Variants in CDH23 observed in about 807,000 individuals in gnomAD.
CDH23 encodes the protein cadherin-23.
CDH23 carries 189 observed loss-of-function variants against 317.1 expected under a neutral mutation model. That is an observed-to-expected ratio of 0.60 (90% CI 0.53 to 0.67). CDH23 has a LOEUF of 0.67. Ranked by LOEUF, CDH23 falls within the 30% of genes least tolerant of loss-of-function variation. The pLI, the probability that CDH23 is intolerant of heterozygous loss-of-function variation, is 0.00. For synonymous variants in CDH23, 1,839 were observed against 1,876.8 expected, an observed-to-expected ratio of 0.98 and a Z score of 0.52; for missense variants, 4,401 against 4,592.4, an observed-to-expected ratio of 0.96 and a Z score of 1.20.
chr10:71,731,933 C>A, intron 31 of CDH23, 54 bp from the exon 32 acceptor site: 1 of 1,556,666 alleles, frequency 6.4e-7, no homozygotes, highest in Non-Finnish European at 8.7e-7. Context: ...GAAGCCACAG[C>A]GCAGCCCCAC....
intron 6 of CDH23, among the ~76,000 whole-genome samples, chr10:71,542,120 C>T (rs547214452): frequency 7.9e-5 from 12 of 152,262 alleles, no homozygotes; most frequent in South Asian, 2.1e-4. Context: ...AGGAGGAAGG[C>T]GCCTTCTATC....
chr10:71,708,497 A>G (rs111629457), intron 26 of CDH23, among the ~76,000 whole-genome samples: 2,446 of 152,236 alleles, frequency 0.016, 89 homozygotes, highest in African/African-American at 0.056. Context: ...AGACCCTCAC[A>G]CTTCCCACCT....
intron 38 of CDH23, among the ~76,000 whole-genome samples, chr10:71,775,756 C>G (rs1003098411): frequency 6.6e-6 from 1 of 152,212 alleles, no homozygotes; most frequent in Non-Finnish European, 1.5e-5. Flanking sequence ...AGCCTGCACA[C>G]TCCATCATGT....
chr10:71,519,161 C>T (rs543646876), intron 6 of CDH23, among the ~76,000 whole-genome samples: 4 of 152,310 alleles, frequency 2.6e-5, no homozygotes, highest in Middle Eastern at 3.4e-3. Flanking sequence ...GAATACGAAG[C>T]AGGGGGACTG....
intron 3 of CDH23, among the ~76,000 whole-genome samples, chr10:71,471,664 C>T (rs1851519997): frequency 6.6e-6 from 1 of 152,050 alleles, no homozygotes; most frequent in South Asian, 2.1e-4. Context: ...AGAACTTTTC[C>T]CCAAACCCTC....
chr10:71,551,116 C>T (rs192348226), intron 6 of CDH23, among the ~76,000 whole-genome samples: 26 of 152,308 alleles, frequency 1.7e-4, no homozygotes, highest in African/African-American at 4.3e-4. Context: ...GTAATGAATT[C>T]GTTTGTATTA....
chr10:71,701,911 C>A, intron 22 of CDH23, 111 bp from the exon 23 acceptor site: 1 of 1,157,376 alleles, frequency 8.6e-7, no homozygotes, highest in Non-Finnish European at 1.2e-6. Context: ...TGGGCCAGAG[C>A]CAGGATGTCC....
At chr10:71,608,684 G>A (rs1860673789) in intron 9 of CDH23, among the ~76,000 whole-genome samples, 1 of 152,218 alleles carries the variant, frequency 6.6e-6, no homozygotes, top group African/African-American at 2.4e-5. Context: ...AGGCCACGCT[G>A]GGTCTCCAGG....
chr10:71,755,533 G>GTTTAT, intron 38 of CDH23: 1 of 1,428,344 alleles, frequency 7.0e-7, no homozygotes, highest in Non-Finnish European at 9.6e-7. Flanking sequence ...CATAAACTGA[G>GTTTAT]GCTCAGAGAG....
chr10:71,710,860 T>C (rs1277382318), intron 27 of CDH23, among the ~76,000 whole-genome samples: 2 of 152,122 alleles, frequency 1.3e-5, no homozygotes, highest in African/African-American at 4.8e-5. Flanking sequence ...GAGGCTGTGA[T>C]CAGGTAGGGC....
chr10:71,613,242 TA>T (rs763571100), intron 9 of CDH23, among the ~76,000 whole-genome samples: 2 of 152,210 alleles, frequency 1.3e-5, no homozygotes, highest in Non-Finnish European at 2.9e-5. Flanking sequence ...AATTCCCAGC[TA>T]AAGAAACTCC....
chr10:71,589,393 C>T (rs961536969), intron 9 of CDH23, among the ~76,000 whole-genome samples: 5 of 152,208 alleles, frequency 3.3e-5, no homozygotes, highest in Admixed American at 3.3e-4. Flanking sequence ...GCTGGGATTA[C>T]AGGCGTGAGC....
At position 71,617,536 on chromosome 10, in the gene CDH23, G is replaced by A. The variant is rs1564690468; in HGVS notation, c.1134+143G>A. On this transcript the variant is annotated intron_variant, in intron 11 of 69. Coordinates refer to ENST00000224721, the MANE Select transcript of CDH23 (RefSeq NM_022124.6). ...CTGGTAGGTTCTGAGGATAAATAAGGCTGAAAAAAAAATCACTAGTCTCTA... is the reference window on the plus strand; with the variant it reads ...CTGGTAGGTTCTGAGGATAAATAAGACTGAAAAAAAAATCACTAGTCTCTA... The A allele has an allele frequency of 6.1e-6, 9 of 1,478,610 alleles. No homozygotes were observed. In the Admixed American group the frequency reaches 9.1e-5, roughly 15 times the overall value. The allele number at this position is 1,478,610 out of a possible 1,614,324, so 91.6% of individuals were successfully genotyped here.
At chr10:71,772,933 C>T (rs1398702237) in intron 38 of CDH23, among the ~76,000 whole-genome samples, 3 of 152,238 alleles carry the variant, frequency 2.0e-5, no homozygotes, top group Non-Finnish European at 4.4e-5. Context: ...CCTCTGTGTC[C>T]TCTGCAACAC....
At chr10:71,684,110 C>CAA (rs11420747) in intron 18 of CDH23, among the ~76,000 whole-genome samples, 38 of 149,482 alleles carry the variant, frequency 2.5e-4, no homozygotes, top group South Asian at 2.1e-3. Context: ...CAAACAACAA[C>CAA]AAAAAAAAAC....
At chr10:71,555,528 C>T (rs1050608548) in intron 6 of CDH23, among the ~76,000 whole-genome samples, 3 of 152,212 alleles carry the variant, frequency 2.0e-5, no homozygotes, top group South Asian at 2.1e-4. Flanking sequence ...TCTGCTGCCA[C>T]GTGCTCTCTC....
At chr10:71,715,784 T>C (rs893093219) in intron 28 of CDH23, 22 of 656,950 alleles carry the variant, frequency 3.3e-5, no homozygotes, top group Middle Eastern at 5.5e-4. Context: ...GAAAGGGCGC[T>C]GGCCTGGGCA....
chr10:71,430,342 G>A (rs1849312855), intron 1 of CDH23, among the ~76,000 whole-genome samples: 1 of 152,052 alleles, frequency 6.6e-6, no homozygotes. Context: ...TGGGGAAACC[G>A]CTTTTTCCTC....
At chr10:71,418,258 T>C (rs1848613377) in intron 1 of CDH23, among the ~76,000 whole-genome samples, 1 of 152,178 alleles carries the variant, frequency 6.6e-6, no homozygotes, top group African/African-American at 2.4e-5. Context: ...GTATGAAAAA[T>C]TGTAGAGGAT....
Sources: allele counts gnomAD v4.1 joint callset (sites outside exome capture counted in the v4.1 genomes callset), GRCh38; gene constraint gnomAD v4.1.1; transcripts MANE v1.5; gene names NCBI Gene and HGNC (gene_info 2026-07-23, HGNC 2026-07-21).